SERINC5: variants seen among roughly 807,000 people sequenced by gnomAD.
SERINC5 encodes the protein chromosome 5 open reading frame 12.
SERINC5 carries 41 observed loss-of-function variants against 63.1 expected under a neutral mutation model. That is an observed-to-expected ratio of 0.65 (90% CI 0.51 to 0.84). The LOEUF is 0.84. Among genes scored for constraint, SERINC5 ranks in the 40% least tolerant of loss-of-function variants. SERINC5 has a pLI of 0.00. For missense variants in SERINC5, 523 were observed against 573.0 expected, an observed-to-expected ratio of 0.91 and a Z score of 0.89; for synonymous variants, 222 against 215.2, an observed-to-expected ratio of 1.03 and a Z score of -0.28.
chr5:80,141,022 T>A lies in SERINC5; in HGVS notation c.*2641A>T. The A allele has an allele frequency of 1.0e-6, 1 of 985,370 alleles. No individual in the cohort carries two copies. Among genetic ancestry groups the A allele is most frequent in the Non-Finnish European group, 1.2e-6 (1 of 829,896 alleles). 61.0% of individuals were successfully genotyped at this position (985,370 alleles called of 1,614,324 possible). ...GGCACAATGTTTCCAGTTTCTCAAATCACAATTGCACAAAACTGTAGATTC... is the reference window on the plus strand; with the variant it reads ...GGCACAATGTTTCCAGTTTCTCAAAACACAATTGCACAAAACTGTAGATTC... On this transcript the variant is annotated 3_prime_UTR_variant, in exon 12 of 12. Transcript: ENST00000507668.
chr5:80,255,802 A>T, intron 1 of SERINC5, 94 bp downstream of exon 1: 1 of 1,327,506 alleles, frequency 7.5e-7, no homozygotes. Context: ...TCGGCCGCGG[A>T]GCTGGGAGCG....
At chr5:80,190,106 CTTT>C (rs11422784) in intron 2 of SERINC5, among the ~76,000 whole-genome samples, 294 of 93,212 alleles carry the variant, frequency 3.2e-3, no homozygotes, top group South Asian at 3.6e-3. Context: ...GTCTCCCGTA[CTTT>C]TTTTTTTTTT....
chr5:80,234,611 G>T (rs1751602502), intron 1 of SERINC5, among the ~76,000 whole-genome samples: 2 of 152,158 alleles, frequency 1.3e-5, no homozygotes, highest in African/African-American at 4.8e-5. Flanking sequence ...ATTTAGGTTT[G>T]CTAAAATAAG....
chr5:80,226,041 A>AG (rs1366257542), intron 1 of SERINC5, among the ~76,000 whole-genome samples: 2 of 92,678 alleles, frequency 2.2e-5, no homozygotes, highest in African/African-American at 4.9e-5. Flanking sequence ...ATCTCCCCAA[A>AG]GGAAAAAAAA....
At chr5:80,240,054 C>G (rs892318847) in intron 1 of SERINC5, among the ~76,000 whole-genome samples, 1 of 152,128 alleles carries the variant, frequency 6.6e-6, no homozygotes, top group Non-Finnish European at 1.5e-5. Flanking sequence ...ACTTTGAAAA[C>G]ACAAAATTGC....
chr5:80,200,323 A>G (rs1414003906), intron 2 of SERINC5, among the ~76,000 whole-genome samples: 4 of 64,722 alleles, frequency 6.2e-5, no homozygotes, highest in Non-Finnish European at 1.3e-4. Flanking sequence ...TAAAAAATAC[A>G]AAAAAAAAAA....
downstream of SERINC5, among the ~76,000 whole-genome samples, chr5:80,136,204 G>A (rs991577078): frequency 6.6e-6 from 1 of 152,070 alleles, no homozygotes; most frequent in South Asian, 2.1e-4. Context: ...AATCACTTGA[G>A]CTCAGGAGTT....
At chr5:80,202,831 C>T in intron 2 of SERINC5, 55 bp downstream of exon 2, 2 of 1,538,556 alleles carry the variant, frequency 1.3e-6, no homozygotes, top group African/African-American at 1.4e-5. Context: ...ATGTTTTTCC[C>T]ACACACCCTC....
At chr5:80,169,250 A>C (rs1747491372) in intron 6 of SERINC5, 85 bp downstream of exon 6, 2 of 1,177,588 alleles carry the variant, frequency 1.7e-6, no homozygotes, top group Non-Finnish European at 1.2e-6. Flanking sequence ...CCAAACAAAC[A>C]AAACAAAACA....
At chr5:80,230,459 A>AAAAAAGAAAG (rs70982042) in intron 1 of SERINC5, among the ~76,000 whole-genome samples, 4 of 128,630 alleles carry the variant, frequency 3.1e-5, no homozygotes, top group Admixed American at 2.5e-4. Context: ...AAAAAAAAAA[A>AAAAAAGAAAG]AAAGAAACCA....
At chr5:80,171,709 AAAACC>A (rs1283753723) in intron 5 of SERINC5, among the ~76,000 whole-genome samples, 6 of 151,938 alleles carry the variant, frequency 3.9e-5, no homozygotes, top group Non-Finnish European at 8.8e-5. Flanking sequence ...ACAAAAACCA[AAAACC>A]AAACCAAAAC....
intron 1 of SERINC5, among the ~76,000 whole-genome samples, chr5:80,250,871 C>T (rs1281203955): frequency 6.6e-6 from 1 of 152,190 alleles, no homozygotes; most frequent in East Asian, 1.9e-4. Context: ...CCCCTCCTTA[C>T]TCCCTTATGC....
intron 1 of SERINC5, among the ~76,000 whole-genome samples, chr5:80,230,433 G>A (rs1751383126): frequency 1.0e-5 from 1 of 97,336 alleles, no homozygotes; most frequent in East Asian, 2.8e-4. Context: ...GCATTCTAGA[G>A]CAAGACTGTC....
chr5:80,140,702 G>A lies in SERINC5; in HGVS notation c.*2961C>T. The stretch of plus-strand genomic sequence containing the variant: ...GTCTCCAGTCAGGTAACATGCCGCG[G>A]TATGACACTCCCATAAGAACCCCCA... On this transcript the variant is annotated 3_prime_UTR_variant, in exon 12 of 12. Coordinates refer to ENST00000507668, the MANE Select transcript of SERINC5 (RefSeq NM_001174072.3). 3 of 985,292 alleles carry A rather than the reference G, an allele frequency of 3.0e-6. No homozygotes were observed. The highest frequency in any genetic ancestry group is 3.6e-6 in the Non-Finnish European group (3 of 829,900). 61.0% of individuals were successfully genotyped at this position (985,292 alleles called of 1,614,324 possible).
intron 5 of SERINC5, among the ~76,000 whole-genome samples, chr5:80,170,705 G>A (rs565680452): frequency 6.6e-6 from 1 of 152,250 alleles, no homozygotes; most frequent in African/African-American, 2.4e-5. Flanking sequence ...ACAGAGCCCC[G>A]AAGCGCCATA....
intron 2 of SERINC5, among the ~76,000 whole-genome samples, chr5:80,183,841 A>C (rs1055799901): frequency 6.6e-6 from 1 of 152,130 alleles, no homozygotes; most frequent in Non-Finnish European, 1.5e-5. Flanking sequence ...AGGTGAAATA[A>C]ACAGCCATGT....
At chr5:80,233,352 G>A (rs572361003) in intron 1 of SERINC5, among the ~76,000 whole-genome samples, 8 of 152,218 alleles carry the variant, frequency 5.3e-5, no homozygotes, top group South Asian at 4.2e-4. Context: ...ACTTGAACCC[G>A]GGAGGCGGAG....
rs1314827501 is a variant in SERINC5, at chr5:80,202,896, A to C, written c.185T>G (p.Met62Arg). The change falls in exon 2 of 12, where the codon ATG becomes AGG. Residue 62 changes from methionine to arginine, a missense_variant. Physicochemically the swap from Met to Arg is moderately conservative, Grantham distance 91 (BLOSUM62 -1). Transcript: ENST00000507668. ...CACGGACAAACTTACGTGCTCTTTC[A>C]TCTTGTGAGCCACGGTTGTTGACAT... ...IMMSTTVAHK[M>R]KEHIPFFEDM... The C allele has an allele frequency of 1.2e-6, 2 of 1,610,134 alleles. No homozygotes were observed. Among genetic ancestry groups the C allele is most frequent in the Admixed American group, 1.7e-5 (1 of 59,848 alleles).
At chr5:80,148,594 T>TGAGG (rs1745977426) in intron 9 of SERINC5, among the ~76,000 whole-genome samples, 2 of 151,462 alleles carry the variant, frequency 1.3e-5, no homozygotes, top group Non-Finnish European at 2.9e-5. Context: ...CTTAAGCCCA[T>TGAGG]GAGTTTGATG....
Sources: gnomAD v4.1 joint callset for allele counts (sites outside exome capture counted in the v4.1 genomes callset) on GRCh38, gnomAD v4.1.1 for gene constraint, MANE v1.5 for transcripts, NCBI Gene and HGNC (gene_info 2026-07-23, HGNC 2026-07-21) for gene names.